NEDD4L: variants seen among roughly 807,000 people sequenced by gnomAD.
NEDD4L encodes the protein E3 ubiquitin-protein ligase NEDD4-like.
A neutral mutation model predicts 148.9 loss-of-function variants in NEDD4L; 54 were observed. That is an observed-to-expected ratio of 0.36 (90% CI 0.29 to 0.45). The LOEUF (loss-of-function observed/expected upper bound fraction) is 0.45. NEDD4L is among the 20% of genes least tolerant of loss of function. The pLI, the probability that NEDD4L is intolerant of heterozygous loss-of-function variation, is 1.00. For missense variants in NEDD4L, 856 were observed against 1,233.8 expected (o/e 0.69, Z 4.59); for synonymous variants, 433 against 440.7 (o/e 0.98, Z 0.22).
At chr18:58,050,789 T>G (rs933116111) in intron 1 of NEDD4L, among the ~76,000 whole-genome samples, 9 of 151,842 alleles carry the variant, frequency 5.9e-5, no homozygotes, top group Non-Finnish European at 1.0e-4. Context: ...AGTAATAGTT[T>G]TGCTTAAAGG....
At chr18:58,161,705 C>T (rs2036237551) in intron 1 of NEDD4L, among the ~76,000 whole-genome samples, 1 of 152,056 alleles carries the variant, frequency 6.6e-6, no homozygotes, top group South Asian at 2.1e-4. Context: ...CAGTTCATTT[C>T]TGGGGAGGGT....
chr18:58,191,824 A>G (rs1001857131), intron 2 of NEDD4L, among the ~76,000 whole-genome samples: 15 of 152,218 alleles, frequency 9.9e-5, no homozygotes, highest in African/African-American at 2.2e-4. Flanking sequence ...GGAAACTCCA[A>G]TGCTGGGATT....
At chr18:58,145,465 G>A (rs1003148359) in intron 1 of NEDD4L, among the ~76,000 whole-genome samples, 5 of 152,204 alleles carry the variant, frequency 3.3e-5, no homozygotes, top group East Asian at 3.9e-4. Flanking sequence ...AGTAGGCAAC[G>A]TTTTCCTCTT....
At chr18:58,049,315 TGATTAA>T in intron 1 of NEDD4L, among the ~76,000 whole-genome samples, 1 of 152,328 alleles carries the variant, frequency 6.6e-6, no homozygotes, top group Middle Eastern at 3.4e-3. Flanking sequence ...CGTCTGTAAG[TGATTAA>T]GAATAGTTGT....
intron 1 of NEDD4L, among the ~76,000 whole-genome samples, chr18:58,127,400 A>G (rs1445371367): frequency 6.6e-6 from 1 of 152,292 alleles, no homozygotes. Context: ...TACCTTTGCC[A>G]TTATGATTCA....
chr18:58,360,270 A>T (rs571894804), intron 19 of NEDD4L, among the ~76,000 whole-genome samples: 2 of 152,190 alleles, frequency 1.3e-5, no homozygotes, highest in African/African-American at 4.8e-5. Flanking sequence ...CTCAGCTATT[A>T]TTTCTTAACA....
chr18:58,290,006 A>G (rs773858920), intron 5 of NEDD4L, among the ~76,000 whole-genome samples: 14 of 152,378 alleles, frequency 9.2e-5, no homozygotes, highest in Middle Eastern at 3.4e-3. Context: ...AAAAAATGAT[A>G]TGTTTAATAT....
intron 22 of NEDD4L, among the ~76,000 whole-genome samples, chr18:58,369,776 G>A (rs974817549): frequency 1.3e-5 from 2 of 152,194 alleles, no homozygotes; most frequent in Non-Finnish European, 2.9e-5. Flanking sequence ...GTGGGAGGCC[G>A]ACCTCGCTGC....
intron 2 of NEDD4L, among the ~76,000 whole-genome samples, chr18:58,243,832 T>C (rs1054560776): frequency 2.7e-5 from 4 of 150,848 alleles, no homozygotes; most frequent in African/African-American, 7.4e-5. Context: ...CAAACCATAA[T>C]GTAAAAAAAA....
chr18:58,302,775 T>C (rs2149269984), intron 5 of NEDD4L, among the ~76,000 whole-genome samples: 1 of 152,292 alleles, frequency 6.6e-6, no homozygotes, highest in South Asian at 2.1e-4. Flanking sequence ...TGGTGCCCAT[T>C]TAGCTAGCTC....
intron 1 of NEDD4L, among the ~76,000 whole-genome samples, chr18:58,114,592 G>A (rs1422383244): frequency 6.6e-6 from 1 of 152,244 alleles, no homozygotes; most frequent in East Asian, 1.9e-4. Context: ...GAGCATCCCA[G>A]GTGGGGTTCC....
intron 1 of NEDD4L, chr18:58,045,312 GT>G: frequency 2.5e-6 from 1 of 395,718 alleles, no homozygotes; most frequent in Non-Finnish European, 4.4e-6. Context: ...TGGGGGAGGT[GT>G]TCAAGGCTGG....
In NEDD4L at chr18:58,252,113, G is replaced by A. The variant is rs559743814; in HGVS notation, c.297+59G>A. 2.9e-5 allele frequency: 31 copies of A among 1,085,510 alleles called. No individual in the cohort carries two copies. In the East Asian group the frequency reaches 6.8e-4, roughly 24 times the overall value. The allele number at this position is 1,085,510 out of a possible 1,614,324, so 67.2% of individuals were successfully genotyped here. A position where few individuals can be genotyped will look rare whatever the true frequency, so the allele number is the denominator to read the frequency against. On this transcript the variant is annotated intron_variant, in intron 5 of 30. Coordinates refer to ENST00000400345, the MANE Select transcript of NEDD4L (RefSeq NM_001144967.3). ...TTTTTTTATTAACTGGATTTTCAGA[G>A]CAGCGTCTTTAAAACTCTGTGTTTA...
chr18:58,373,555 C>T (rs1339763472), intron 24 of NEDD4L, among the ~76,000 whole-genome samples: 1 of 152,148 alleles, frequency 6.6e-6, no homozygotes, highest in African/African-American at 2.4e-5. Flanking sequence ...ATTTGTGCCT[C>T]GGTTTTAGAA....
intron 1 of NEDD4L, among the ~76,000 whole-genome samples, chr18:58,116,710 G>A (rs954424002): frequency 6.6e-6 from 1 of 152,230 alleles, no homozygotes; most frequent in Admixed American, 6.5e-5. Context: ...TGGCTTCTAT[G>A]TCCAGGCCAG....
At chr18:58,321,877 T>C (rs769241958) in intron 6 of NEDD4L, among the ~76,000 whole-genome samples, 4 of 152,200 alleles carry the variant, frequency 2.6e-5, no homozygotes, top group Non-Finnish European at 2.9e-5. Context: ...GAACAAATAC[T>C]CCACTTGTAC....
intron 5 of NEDD4L, among the ~76,000 whole-genome samples, chr18:58,300,147 CT>C (rs1418429626): frequency 6.6e-6 from 1 of 152,274 alleles, no homozygotes; most frequent in South Asian, 2.1e-4. Flanking sequence ...TTACTATGCT[CT>C]TTTGTAACAC....
At chr18:58,195,491 C>T in intron 2 of NEDD4L, 1 of 1,344,262 alleles carries the variant, frequency 7.4e-7, no homozygotes. Context: ...CGCGAGGGTG[C>T]CCGGGTGGGT....
chr18:58,085,881 G>A (rs926275628), intron 1 of NEDD4L, among the ~76,000 whole-genome samples: 2 of 152,220 alleles, frequency 1.3e-5, no homozygotes, highest in African/African-American at 4.8e-5. Context: ...ATGGAGACAA[G>A]TGTCTTTGTT....
Sources: allele counts gnomAD v4.1 joint callset (sites outside exome capture counted in the v4.1 genomes callset), GRCh38; gene constraint gnomAD v4.1.1; transcripts MANE v1.5; gene names NCBI Gene and HGNC (gene_info 2026-07-23, HGNC 2026-07-21).